Variants in MSANTD2 observed in about 807,000 individuals in gnomAD.
MSANTD2 encodes the protein myb/SANT-like DNA-binding domain-containing protein 2.
In MSANTD2, 19 loss-of-function variants were observed where a neutral mutation model predicts 52.6. The observed-to-expected ratio is 0.36, with a 90% CI of 0.25 to 0.53. MSANTD2 has a LOEUF of 0.53. Among genes scored for constraint, MSANTD2 ranks in the 20% least tolerant of loss-of-function variants. The pLI is 0.91. For synonymous variants in MSANTD2, 291 were observed against 289.7 expected (o/e 1.00, Z -0.04); for missense variants, 558 against 716.3 (o/e 0.78, Z 2.52).
chr11:124,791,813 G>A, intron 1 of MSANTD2: 1 of 530,096 alleles, frequency 1.9e-6, no homozygotes, highest in Non-Finnish European at 3.5e-6. Context: ...GCCAGGGGCA[G>A]GTATTGTGTT....
At chr11:124,784,552 C>A (rs1945096283) in intron 1 of MSANTD2, 3 of 985,036 alleles carry the variant, frequency 3.0e-6, no homozygotes, top group Non-Finnish European at 2.4e-6. Context: ...TTCCCAAATA[C>A]GAAGGTGTTT....
In MSANTD2 at chr11:124,774,800, T is replaced by C. The variant is rs1486555640; in HGVS notation, c.685A>G (p.Ser229Gly). Residue 229 changes from serine to glycine, a missense_variant, in exon 2 of 4, where the codon AGC becomes GGC. By Grantham distance (56) the Ser-to-Gly change is moderately conservative. This residue lies in a region of MSANTD2 where 408 missense variants were observed against 573.6 expected (regional missense o/e 0.71). Transcript: ENST00000374979. The surrounding 1 kb of genome is among the most constrained non-coding windows in gnomAD (Gnocchi z 5.1). Reference sequence around the variant, plus strand: ...TCCTGTGAATAGTCCTCCATAGTGCTGCCATCTGACTCCAGCTCCTGGTAC... The same window carrying C: ...TCCTGTGAATAGTCCTCCATAGTGCCGCCATCTGACTCCAGCTCCTGGTAC... ...GLYQELESDG[S>G]TMEDYSQEDW... The C allele has an allele frequency of 4.3e-6, 7 of 1,614,244 alleles. No homozygotes were observed. The highest frequency in any genetic ancestry group is 1.7e-5 in the Admixed American group (1 of 60,024).
chr11:124,795,243 T>C (rs68115513), intron 1 of MSANTD2, among the ~76,000 whole-genome samples: 1 of 152,092 alleles, frequency 6.6e-6, no homozygotes, highest in Non-Finnish European at 1.5e-5. Flanking sequence ...GCAAGTCTTT[T>C]AGGTCACATT....
At chr11:124,786,624 TTAAG>T (rs1435754748) in intron 1 of MSANTD2, among the ~76,000 whole-genome samples, 1 of 152,248 alleles carries the variant, frequency 6.6e-6, no homozygotes, top group African/African-American at 2.4e-5. Context: ...ATGAATACAA[TTAAG>T]TCTTTACTTA....
At chr11:124,794,579 G>A (rs1277989734) in intron 1 of MSANTD2, among the ~76,000 whole-genome samples, 1 of 152,226 alleles carries the variant, frequency 6.6e-6, no homozygotes, top group African/African-American at 2.4e-5. Context: ...TAGAAGAAAT[G>A]TCTTGTCTGC....
intron 1 of MSANTD2, chr11:124,792,711 A>G (rs1293369801): frequency 2.0e-5 from 3 of 152,220 alleles, no homozygotes; most frequent in African/African-American, 7.2e-5. Context: ...AGGTGATGGT[A>G]TACTACCGTA....
In MSANTD2 at chr11:124,800,054, C is replaced by T. The variant is rs746684056; in HGVS notation, c.327G>A (p.Thr109=). The T allele has an allele frequency of 1.6e-5, 25 of 1,559,056 alleles. No individual in the cohort carries two copies. In the South Asian group the frequency reaches 2.1e-4, roughly 13 times the overall value. The change falls in exon 1 of 4, where the codon ACG becomes ACA. Residue 109 remains threonine (T), a synonymous_variant. Coordinates refer to ENST00000374979, the MANE Select transcript of MSANTD2 (RefSeq NM_001308027.2). The surrounding 1 kb of genome is among the most constrained non-coding windows in gnomAD (Gnocchi z 4.3). Reference sequence around the variant, plus strand: ...TGCCCCACACTGCGATGAGCGCGTTCGTCTCGGCTGGCGTCCACGACATGC... The same window carrying T: ...TGCCCCACACTGCGATGAGCGCGTTTGTCTCGGCTGGCGTCCACGACATGC... ...CRGMSWTPAE[T]NALIAVWGNE... is the part of the protein sequence containing the mutation.
intron 1 of MSANTD2, chr11:124,784,132 T>C: frequency 1.0e-6 from 1 of 985,084 alleles, no homozygotes; most frequent in Non-Finnish European, 1.2e-6. Context: ...ACTATTTGTC[T>C]AGAACTTCCT....
Position 124,766,536 on chromosome 11 carries a change from G to C in MSANTD2, c.*640C>G, listed in dbSNP as rs766431070. 1 of 151,948 alleles carries C rather than the reference G, an allele frequency of 6.6e-6. No individual in the cohort carries two copies. Among genetic ancestry groups the C allele is most frequent in the African/African-American group, 2.4e-5 (1 of 41,160 alleles). 9.4% of individuals were successfully genotyped at this position (151,948 alleles called of 1,614,324 possible). A position where few individuals can be genotyped will look rare whatever the true frequency, so the allele number is the denominator to read the frequency against. ...TTTAATTTTTTTTTTTTAAAAAAAGGTTTAAATGGCAACACAACTGTAAAG... is the reference window on the plus strand; with the variant it reads ...TTTAATTTTTTTTTTTTAAAAAAAGCTTTAAATGGCAACACAACTGTAAAG... On this transcript the variant is annotated 3_prime_UTR_variant, in exon 4 of 4. Coordinates refer to ENST00000374979, the MANE Select transcript of MSANTD2 (RefSeq NM_001308027.2).
chr11:124,780,192 T>C (rs1591456553), intron 1 of MSANTD2, among the ~76,000 whole-genome samples: 1 of 152,230 alleles, frequency 6.6e-6, no homozygotes, highest in East Asian at 1.9e-4. Flanking sequence ...AAGAAAGATG[T>C]TAAGAATCTA....
chr11:124,780,059 C>T (rs1381186247), intron 1 of MSANTD2, among the ~76,000 whole-genome samples: 2 of 152,088 alleles, frequency 1.3e-5, no homozygotes, highest in Non-Finnish European at 2.9e-5. Flanking sequence ...AACGAAACAC[C>T]ATTTAATATC....
chr11:124,797,062 C>T (rs1405080480), intron 1 of MSANTD2, among the ~76,000 whole-genome samples: 4 of 152,198 alleles, frequency 2.6e-5, no homozygotes, highest in African/African-American at 7.2e-5. Flanking sequence ...CACTAAATCT[C>T]CTTAAATGCA....
intron 1 of MSANTD2, chr11:124,784,483 C>T (rs1455345698): frequency 4.9e-5 from 1 of 20,610 alleles, no homozygotes; most frequent in Non-Finnish European, 5.9e-5. Context: ...AAAAATTAAA[C>T]CCCCCCCCCG....
At position 124,768,043 on chromosome 11, in the gene MSANTD2, A is replaced by G; in HGVS notation, c.828-15T>C. On this transcript the variant is annotated splice_polypyrimidine_tract_variant and intron_variant, in intron 3 of 3. Transcript: ENST00000374979. Reference sequence around the variant, plus strand: ...TGTCTCTCTTCCTGGAAAGACAAATAAAAGTCAAATTCCCTAAGTATCTAG... The same window carrying G: ...TGTCTCTCTTCCTGGAAAGACAAATGAAAGTCAAATTCCCTAAGTATCTAG... The G allele has an allele frequency of 3.2e-6, 5 of 1,587,270 alleles. No individual in the cohort carries two copies. The highest frequency in any genetic ancestry group is 4.3e-6 in the Non-Finnish European group (5 of 1,164,292).
chr11:124,790,520 T>C (rs1484655091), intron 1 of MSANTD2: 1 of 152,240 alleles, frequency 6.6e-6, no homozygotes, highest in South Asian at 2.1e-4. Flanking sequence ...TCGGTTTTGA[T>C]GTATATGAAA....
intron 1 of MSANTD2, 77 bp from the exon 2 acceptor site, chr11:124,775,051 T>C: frequency 7.5e-7 from 1 of 1,335,572 alleles, no homozygotes; most frequent in Non-Finnish European, 1.0e-6. Context: ...TATTAATTAC[T>C]ATTAGACAGA....
At chr11:124,795,566 C>A (rs759767380) in intron 1 of MSANTD2, among the ~76,000 whole-genome samples, 2 of 152,180 alleles carry the variant, frequency 1.3e-5, no homozygotes, top group African/African-American at 4.8e-5. Context: ...AATCAAGTAC[C>A]GCCTTGCATT....
At chr11:124,776,447 G>A (rs1269523407) in intron 1 of MSANTD2, among the ~76,000 whole-genome samples, 4 of 152,166 alleles carry the variant, frequency 2.6e-5, no homozygotes, top group African/African-American at 9.7e-5. Context: ...ACAGGCATGC[G>A]CCACCCTGCC....
chr11:124,791,540 G>T, intron 1 of MSANTD2: 1 of 1,160,890 alleles, frequency 8.6e-7, no homozygotes, highest in Non-Finnish European at 1.3e-6. Context: ...ACAGAAGGGT[G>T]CAGACAGAAG....
Sources: gnomAD v4.1 joint callset for allele counts (sites outside exome capture counted in the v4.1 genomes callset) on GRCh38, gnomAD v4.1.1 for gene constraint, gnomAD v4.1.1 regional missense constraint, Gnocchi (gnomAD v3.1) non-coding constraint, MANE v1.5 for transcripts, NCBI Gene and HGNC (gene_info 2026-07-23, HGNC 2026-07-21) for gene names.